The following PNOC variants were observed in gnomAD, a reference collection of about 807,000 sequenced individuals.
The protein encoded by PNOC is nociceptin.
PNOC carries 10 observed loss-of-function variants against 15.6 expected under a neutral mutation model. The observed-to-expected ratio is 0.64, with a 90% CI of 0.40 to 1.09. The LOEUF is 1.09. Among genes scored for constraint, PNOC ranks in the 50% least tolerant of loss-of-function variants. The probability of loss-of-function intolerance (pLI) is 0.01; values close to 1 mark genes in which losing one functional copy is unlikely to be tolerated. For synonymous variants in PNOC, 98 were observed against 88.5 expected, an observed-to-expected ratio of 1.11 and a Z score of -0.60; for missense variants, 220 against 223.9, an observed-to-expected ratio of 0.98 and a Z score of 0.11.
intron 2 of PNOC, among the ~76,000 whole-genome samples, chr8:28,338,331 A>G (rs1801448997): frequency 6.6e-6 from 1 of 152,076 alleles, no homozygotes; most frequent in Admixed American, 6.6e-5. Flanking sequence ...GGTTGGCAGG[A>G]GAGGCAGAGC....
Position 28,339,264 on chromosome 8 carries a change from G to A in PNOC, c.351G>A (p.Glu117=). The change falls in exon 3 of 4, where the codon GAG becomes GAA. Residue 117 remains glutamate (E), a synonymous_variant. Transcript: ENST00000301908. ...EQEEPEPGME[E]AGEMEQKQLQ... ...AAGAGCCCGAGCCTGGCATGGAGGA[G>A]GCTGGTGAGATGGAGCAGAAGCAGC... 6.2e-7 allele frequency: 1 copy of A among 1,608,614 alleles called. No individual in the cohort carries two copies. Among genetic ancestry groups the A allele is most frequent in the Non-Finnish European group, 8.5e-7 (1 of 1,175,334 alleles).
chr8:28,329,013 A>C, intron 1 of PNOC, 122 bp from the exon 2 acceptor site: 1 of 958,702 alleles, frequency 1.0e-6, no homozygotes, highest in Non-Finnish European at 1.6e-6. Context: ...ACAGGCCCCT[A>C]GTGCCATCCT....
At chr8:28,326,859 C>CAAAACA (rs1377638500) in intron 1 of PNOC, among the ~76,000 whole-genome samples, 31 of 152,066 alleles carry the variant, frequency 2.0e-4, no homozygotes, top group African/African-American at 6.8e-4. Context: ...GACTCTGTCT[C>CAAAACA]AAAACAAAAA....
At position 28,339,425 on chromosome 8, in the gene PNOC, A is replaced by G. The variant is rs759206985; in HGVS notation, c.512A>G (p.His171Arg). ...MQSSQRRRTL[H>R]QNGNV ...TCCAGCCAGCGCCGGCGCACCCTGC[A>G]CCAGAATGGTAATGTGTAGCCGGAA... Residue 171 changes from histidine to arginine, a missense_variant, in exon 3 of 4, where the codon CAC (histidine) becomes CGC (arginine). Physicochemically the swap from His to Arg is conservative, Grantham distance 29. Coordinates refer to ENST00000301908, the MANE Select transcript of PNOC (RefSeq NM_006228.5). The G allele has an allele frequency of 1.9e-6, 3 of 1,542,106 alleles. No homozygotes were observed. Among genetic ancestry groups the G allele is most frequent in the South Asian group, 2.5e-5 (2 of 80,914 alleles).
At chr8:28,337,991 A>G (rs1255533204) in intron 2 of PNOC, among the ~76,000 whole-genome samples, 1 of 152,084 alleles carries the variant, frequency 6.6e-6, no homozygotes, top group Non-Finnish European at 1.5e-5. Flanking sequence ...GTGCATAAGG[A>G]GAAGGGGAGA....
intron 1 of PNOC, among the ~76,000 whole-genome samples, chr8:28,323,696 A>G (rs935023352): frequency 2.0e-5 from 3 of 152,232 alleles, no homozygotes; most frequent in African/African-American, 7.2e-5. Context: ...TAAATACAGA[A>G]CATCATCCAG....
intron 2 of PNOC, among the ~76,000 whole-genome samples, chr8:28,336,283 A>G (rs1186280888): frequency 6.6e-6 from 1 of 152,260 alleles, no homozygotes; most frequent in East Asian, 1.9e-4. Flanking sequence ...ATTCCGCCTT[A>G]GAAGGTATTG....
intron 1 of PNOC, among the ~76,000 whole-genome samples, chr8:28,318,591 G>T (rs1216127767): frequency 4.6e-5 from 7 of 152,194 alleles, no homozygotes; most frequent in African/African-American, 1.7e-4. Context: ...GTAAAGTGTG[G>T]CAGGGAAATA....
chr8:28,321,309 T>C (rs182314729), intron 1 of PNOC, among the ~76,000 whole-genome samples: 1 of 150,206 alleles, frequency 6.7e-6, no homozygotes, highest in Admixed American at 6.8e-5. Flanking sequence ...GGGATTGCAG[T>C]TGCATGCCAA....
chr8:28,325,424 C>T (rs2614090), intron 1 of PNOC, among the ~76,000 whole-genome samples: 49,465 of 151,636 alleles, frequency 0.33, 9,934 homozygotes, highest in Non-Finnish European at 0.46. Flanking sequence ...GAGGCCGAGG[C>T]AGGCAGATCA....
intron 2 of PNOC, among the ~76,000 whole-genome samples, chr8:28,329,730 G>A (rs759049238): frequency 6.6e-6 from 1 of 151,748 alleles, no homozygotes; most frequent in Admixed American, 6.6e-5. Context: ...GTATCTACTG[G>A]TTTCACATTC....
In PNOC at chr8:28,329,128, G is replaced by A; in HGVS notation, c.-23-7G>A. The A allele has an allele frequency of 2.5e-6, 4 of 1,611,864 alleles. No homozygotes were observed. The highest frequency in any genetic ancestry group is 3.4e-6 in the Non-Finnish European group (4 of 1,179,894). ...GTACTCATTGCCATGCTTCCTGTATGTTCCAGCACCTGCTTCCTGCTCCTG... is the reference window on the plus strand; with the variant it reads ...GTACTCATTGCCATGCTTCCTGTATATTCCAGCACCTGCTTCCTGCTCCTG... On this transcript the variant is annotated splice_polypyrimidine_tract_variant and splice_region_variant and intron_variant, in intron 1 of 3. Transcript: ENST00000301908.
chr8:28,340,829 C>A (rs1467307998), intron 3 of PNOC, among the ~76,000 whole-genome samples: 1 of 152,202 alleles, frequency 6.6e-6, no homozygotes, highest in African/African-American at 2.4e-5. Flanking sequence ...ACAACCAGAT[C>A]TCCCACGAAC....
At chr8:28,321,158 C>T (rs1023690516) in intron 1 of PNOC, among the ~76,000 whole-genome samples, 1 of 151,712 alleles carries the variant, frequency 6.6e-6, no homozygotes, top group East Asian at 1.9e-4. Context: ...CCTGCCTCAA[C>T]CTTCTGAATA....
chr8:28,327,565 C>CTTTTTTTTTTTTTTTTTTTTTTT (rs1369152376), intron 1 of PNOC, among the ~76,000 whole-genome samples: 1 of 145,568 alleles, frequency 6.9e-6, no homozygotes. Flanking sequence ...ACATAAAATT[C>CTTTTTTTTTTTTTTTTTTTTTTT]TTTTCTTTTT....
At position 28,329,138 on chromosome 8, in the gene PNOC, C is replaced by T. The variant is rs1191794169; in HGVS notation, c.-20C>T. ...CCATGCTTCCTGTATGTTCCAGCACCTGCTTCCTGCTCCTGCACCATGAAA... is the reference window on the plus strand; with the variant it reads ...CCATGCTTCCTGTATGTTCCAGCACTTGCTTCCTGCTCCTGCACCATGAAA... On this transcript the variant is annotated 5_prime_UTR_variant, in exon 2 of 4. Transcript: ENST00000301908. The T allele has an allele frequency of 6.2e-7, 1 of 1,612,792 alleles. No homozygotes were observed. Among genetic ancestry groups the T allele is most frequent in the Non-Finnish European group, 8.5e-7 (1 of 1,179,988 alleles).
chr8:28,330,398 T>TTTATTTTTTTTATTTTTA (rs1554517536), intron 2 of PNOC, among the ~76,000 whole-genome samples: 50 of 100,718 alleles, frequency 5.0e-4, no homozygotes, highest in South Asian at 3.7e-3. Flanking sequence ...TTTATTTTAT[T>TTTATTTTTTTTATTTTTA]TTTTTTTTTT....
chr8:28,329,913 T>C (rs1486921768), intron 2 of PNOC, among the ~76,000 whole-genome samples: 1 of 152,164 alleles, frequency 6.6e-6, no homozygotes, highest in East Asian at 1.9e-4. Context: ...TACAGGAGGA[T>C]GTGCATAGCC....
chr8:28,323,516 G>A (rs1330366958), intron 1 of PNOC, among the ~76,000 whole-genome samples: 1 of 152,180 alleles, frequency 6.6e-6, no homozygotes, highest in African/African-American at 2.4e-5. Flanking sequence ...CAGTCCCACC[G>A]TTACAAAGTA....
Sources: allele counts gnomAD v4.1 joint callset (sites outside exome capture counted in the v4.1 genomes callset), GRCh38; gene constraint gnomAD v4.1.1; transcripts MANE v1.5; gene names NCBI Gene and HGNC (gene_info 2026-07-23, HGNC 2026-07-21).